MPRIP: variants seen among roughly 807,000 people sequenced by gnomAD.
The protein encoded by MPRIP is myosin phosphatase Rho interacting protein, also known as myosin phosphatase Rho-interacting protein.
MPRIP carries 59 observed loss-of-function variants against 234.9 expected under a neutral mutation model. The observed-to-expected ratio is 0.25, with a 90% CI of 0.20 to 0.31. MPRIP has a LOEUF of 0.31. MPRIP is among the 10% of genes least tolerant of loss of function. The probability of loss-of-function intolerance (pLI) is 1.00; values close to 1 mark genes in which losing one functional copy is unlikely to be tolerated. For missense variants in MPRIP, 2,436 were observed against 3,071.0 expected, an observed-to-expected ratio of 0.79 and a Z score of 4.89; for synonymous variants, 1,144 against 1,263.9, an observed-to-expected ratio of 0.91 and a Z score of 2.01.
chr17:17,159,844 G>A (rs947608959), intron 14 of MPRIP, among the ~76,000 whole-genome samples: 2 of 152,076 alleles, frequency 1.3e-5, no homozygotes, highest in Non-Finnish European at 2.9e-5. Flanking sequence ...TTGCCACTTG[G>A]GTATGCCTCA....
At chr17:17,151,603 G>A (rs2045604842) in intron 12 of MPRIP, among the ~76,000 whole-genome samples, 1 of 152,208 alleles carries the variant, frequency 6.6e-6, no homozygotes. Context: ...GATTTAATGG[G>A]TTTCCTCTAA....
Position 17,165,257 on chromosome 17 carries a change from A to C in MPRIP, c.3666A>C (p.Glu1222Asp). ...AGATTTTAAGGAAATTTGCAAGTGA[A>C]TCTCCAAAGGACATGGAAGAGCCAC... ...KEEILRKFASESPKDMEEPRS... is the reference protein window; with the variant it reads ...KEEILRKFASDSPKDMEEPRS... Residue 1222 changes from glutamate (E) to aspartate (D), a missense_variant, in exon 16 of 24, where the codon GAA becomes GAC. Glu to Asp is a conservative substitution (Grantham distance 45). Around this residue, in one of 4 missense-constraint regions of MPRIP, gnomAD observed 1,998 missense variants for 2,520.3 expected, o/e 0.79. Transcript: ENST00000651222. 1 of 1,304,110 alleles carries C rather than the reference A, an allele frequency of 7.7e-7. No homozygotes were observed. The allele number at this position is 1,304,110 out of a possible 1,614,324, so 80.8% of individuals were successfully genotyped here. A position where few individuals can be genotyped will look rare whatever the true frequency, so the allele number is the denominator to read the frequency against.
At chr17:17,096,096 G>C (rs148391433) in intron 3 of MPRIP, among the ~76,000 whole-genome samples, 55 of 152,290 alleles carry the variant, frequency 3.6e-4, no homozygotes, top group Non-Finnish European at 6.8e-4. Flanking sequence ...AGGCCCCTCT[G>C]TGTGTCAGGA....
Position 17,042,640 on chromosome 17 carries a change from A to C in MPRIP, c.-209A>C. Reference sequence around the variant, plus strand: ...GCCGGGCGGCGGCGGTGCGGGCGGGAGCTGGGCGTCGCGCGCGCTGTGAGG... The same window carrying C: ...GCCGGGCGGCGGCGGTGCGGGCGGGCGCTGGGCGTCGCGCGCGCTGTGAGG... On this transcript the variant is annotated 5_prime_UTR_variant, in exon 1 of 24. Coordinates refer to ENST00000651222, the MANE Select transcript of MPRIP (RefSeq NM_001364716.4). 1 of 288,652 alleles carries C rather than the reference A, an allele frequency of 3.5e-6. No homozygotes were observed. The highest frequency in any genetic ancestry group is 5.1e-6 in the Non-Finnish European group (1 of 196,580). 17.9% of individuals were successfully genotyped at this position (288,652 alleles called of 1,614,324 possible).
chr17:17,183,652 G>A (rs1009654839), intron 23 of MPRIP, among the ~76,000 whole-genome samples: 2 of 151,962 alleles, frequency 1.3e-5, no homozygotes, highest in Admixed American at 1.3e-4. Context: ...GGGTGGGGTG[G>A]GGGACAGTGG....
intron 14 of MPRIP, among the ~76,000 whole-genome samples, 159 bp from the exon 15 acceptor site, chr17:17,161,081 C>T (rs2045852690): frequency 2.6e-5 from 4 of 152,182 alleles, no homozygotes; most frequent in Non-Finnish European, 5.9e-5. Flanking sequence ...CCTTCACTTC[C>T]AAATGCTGCT....
chr17:17,174,856 TG>T (rs199725391), intron 19 of MPRIP, among the ~76,000 whole-genome samples: 3,441 of 151,942 alleles, frequency 0.023, 102 homozygotes, highest in Middle Eastern at 0.086. Flanking sequence ...ATTTAAATCC[TG>T]GCTAATGGAA....
intron 21 of MPRIP, among the ~76,000 whole-genome samples, 189 bp from the exon 22 acceptor site, chr17:17,177,061 C>T (rs1399531552): frequency 6.6e-6 from 1 of 152,204 alleles, no homozygotes; most frequent in Non-Finnish European, 1.5e-5. Context: ...TGGCTGTGCC[C>T]GTGTCCTTAG....
chr17:17,141,836 C>T (rs532359500), intron 7 of MPRIP: 1 of 152,924 alleles, frequency 6.5e-6, no homozygotes, highest in African/African-American at 2.4e-5. Context: ...CCACCTCTGA[C>T]CCCACCAGGG....
chr17:17,045,583 G>A (rs915815704), intron 1 of MPRIP, among the ~76,000 whole-genome samples: 1 of 152,192 alleles, frequency 6.6e-6, no homozygotes, highest in Non-Finnish European at 1.5e-5. Flanking sequence ...ACATGATGAG[G>A]ACAATAATGT....
chr17:17,165,661 C>G lies in MPRIP; in HGVS notation c.4070C>G (p.Ser1357Trp). Residue 1357 changes from serine to tryptophan, a missense_variant, in exon 16 of 24, where the codon TCG becomes TGG. Physicochemically the swap from Ser to Trp is radical, Grantham distance 177 (BLOSUM62 -3). Coordinates refer to ENST00000651222, the MANE Select transcript of MPRIP (RefSeq NM_001364716.4). ...GACACCAGCCAGGACCGGTCACCCT[C>G]GGAAGAAAGCATGTCCTCAGAGCCT... ...SSDTSQDRSPSEESMSSEPAP... is the reference protein window; with the variant it reads ...SSDTSQDRSPWEESMSSEPAP... 1 of 1,305,110 alleles carries G rather than the reference C, an allele frequency of 7.7e-7. No homozygotes were observed. The highest frequency in any genetic ancestry group is 1.0e-6 in the Non-Finnish European group (1 of 989,056). The allele number at this position is 1,305,110 out of a possible 1,614,324, so 80.8% of individuals were successfully genotyped here.
chr17:17,070,668 G>A (rs908163993), intron 1 of MPRIP, among the ~76,000 whole-genome samples: 2 of 152,114 alleles, frequency 1.3e-5, no homozygotes, highest in Admixed American at 6.5e-5. Context: ...ATAATTTCTT[G>A]TTGAAGCATT....
At chr17:17,100,405 G>A (rs2089936407) in intron 3 of MPRIP, among the ~76,000 whole-genome samples, 2 of 152,140 alleles carry the variant, frequency 1.3e-5, no homozygotes, top group Admixed American at 1.3e-4. Flanking sequence ...CTGTCTTCAA[G>A]CACTTTGTCA....
At chr17:17,068,605 A>T (rs1294193308) in intron 1 of MPRIP, among the ~76,000 whole-genome samples, 1 of 150,034 alleles carries the variant, frequency 6.7e-6, no homozygotes, top group South Asian at 2.1e-4. Flanking sequence ...GTCTTGGCTC[A>T]CTGCAACCTC....
intron 3 of MPRIP, among the ~76,000 whole-genome samples, chr17:17,122,339 TTTTG>T (rs1459649282): frequency 3.3e-5 from 5 of 151,996 alleles, no homozygotes; most frequent in Non-Finnish European, 5.9e-5. Context: ...TTTGTTGTTT[TTTTG>T]TTTATTTGTT....
At chr17:17,140,692 C>G (rs1233250361) in intron 7 of MPRIP, among the ~76,000 whole-genome samples, 1 of 152,178 alleles carries the variant, frequency 6.6e-6, no homozygotes, top group Non-Finnish European at 1.5e-5. Flanking sequence ...CTGAACCTGA[C>G]CGGTTCTGGG....
rs1371641520 is a variant in MPRIP at position 17,158,647 on chromosome 17, G to A, written c.2045G>A (p.Gly682Glu). The A allele has an allele frequency of 6.2e-7, 1 of 1,602,946 alleles. No homozygotes were observed. The highest frequency in any genetic ancestry group is 1.7e-5 in the Admixed American group (1 of 58,776). Residue 682 changes from glycine (G) to glutamate (E), a missense_variant, in exon 14 of 24, where the codon GGG (glycine) becomes GAG (glutamate). By Grantham distance (98) the Gly-to-Glu change is moderately conservative. Around this residue, in one of 4 missense-constraint regions of MPRIP, gnomAD observed 1,998 missense variants for 2,520.3 expected, o/e 0.79. Coordinates refer to ENST00000651222, the MANE Select transcript of MPRIP (RefSeq NM_001364716.4). Reference sequence around the variant, plus strand: ...GCTCAGGAGCGGGTGGGCGGCGTGGGGCCTGCTGACACCCACGAGCCCCTG... The same window carrying A: ...GCTCAGGAGCGGGTGGGCGGCGTGGAGCCTGCTGACACCCACGAGCCCCTG... ...ALAQERVGGVGPADTHEPLRP... is the reference protein window; with the variant it reads ...ALAQERVGGVEPADTHEPLRP...
chr17:17,059,617 C>G (rs969068616), intron 1 of MPRIP, among the ~76,000 whole-genome samples: 1 of 152,256 alleles, frequency 6.6e-6, no homozygotes, highest in African/African-American at 2.4e-5. Context: ...CCACACTCCT[C>G]CCCTTTGCTC....
intron 3 of MPRIP, among the ~76,000 whole-genome samples, chr17:17,097,994 A>G (rs78957798): frequency 1.3e-5 from 2 of 152,300 alleles, no homozygotes; most frequent in East Asian, 3.9e-4. Flanking sequence ...TTCTTCTGCT[A>G]TCAAACCAGA....
Sources: gnomAD v4.1 joint callset for allele counts (sites outside exome capture counted in the v4.1 genomes callset) on GRCh38, gnomAD v4.1.1 for gene constraint, gnomAD v4.1.1 regional missense constraint, MANE v1.5 for transcripts, NCBI Gene and HGNC (gene_info 2026-07-23, HGNC 2026-07-21) for gene names.